The following SYNE1 variants were observed in gnomAD, a reference collection of about 807,000 sequenced individuals.
SYNE1 encodes the protein spectrin repeat containing nuclear envelope protein 1.
Under a neutral mutation model 1,111.0 loss-of-function variants are expected in SYNE1, and 616 were observed. The ratio of observed to expected loss-of-function variants is 0.55; its 90% CI spans 0.52 to 0.59. SYNE1 has a LOEUF of 0.59. SYNE1 is among the 20% of genes least tolerant of loss of function. SYNE1 has a pLI of 0.00. For synonymous variants in SYNE1, 3,855 were observed against 3,825.8 expected, an observed-to-expected ratio of 1.01 and a Z score of -0.28; for missense variants, 10,006 against 10,417.0, an observed-to-expected ratio of 0.96 and a Z score of 1.72.
chr6:152,262,043 G>T lies in SYNE1; in HGVS notation c.18961C>A (p.Gln6321Lys). The T allele has an allele frequency of 6.2e-7, 1 of 1,613,002 alleles. No individual in the cohort carries two copies. Among genetic ancestry groups the T allele is most frequent in the Non-Finnish European group, 8.5e-7 (1 of 1,179,658 alleles). The change falls in exon 101 of 146, where the codon CAA becomes AAA. Residue 6321 changes from glutamine (Q) to lysine (K), a missense_variant. Around this residue, in one of 7 missense-constraint regions of SYNE1, gnomAD observed 2,182 missense variants for 2,287.8 expected, o/e 0.95. Transcript: ENST00000367255. ...KLLQNVLEQEQEQVLYSRPNR... is the reference protein window; with the variant it reads ...KLLQNVLEQEKEQVLYSRPNR... The stretch of plus-strand genomic sequence containing the variant: ...AAAATATTTGATACCACTTGCTCTT[G>T]TTCCTGTTCCAGAACATTCTGTAGT...
rs375752705 is a variant in SYNE1, at chr6:152,347,138, G to T, written c.11999C>A (p.Ala4000Glu). ...AGCATGCACGTTTTGTTTAAGTTTC[G>T]CTTGCAGGTGGTCTGCACATTGGCC... The part of the protein sequence containing the change: ...LIGQCADHLQ[A>E]KLKQNVHAHL... Residue 4000 changes from alanine to glutamate, a missense_variant, in exon 73 of 146, where the codon GCG becomes GAG. Transcript: ENST00000367255. The T allele has an allele frequency of 1.3e-5, 21 of 1,613,930 alleles. No individual in the cohort carries two copies. The African/African-American group carries it at 2.7e-4, about 21-fold the overall frequency.
chr6:152,274,473 G>GT (rs2093435761), intron 98 of SYNE1, among the ~76,000 whole-genome samples: 1 of 140,238 alleles, frequency 7.1e-6, no homozygotes, highest in Admixed American at 7.2e-5. Context: ...TTTATTTTGT[G>GT]TTACTCATTC....
chr6:152,241,458 C>T (rs2085636702), intron 107 of SYNE1, among the ~76,000 whole-genome samples: 1 of 150,052 alleles, frequency 6.7e-6, no homozygotes. Flanking sequence ...GGTTTCTGGA[C>T]TGGCAAAATT....
intron 8 of SYNE1, among the ~76,000 whole-genome samples, chr6:152,507,706 T>C (rs1310982232): frequency 6.6e-6 from 1 of 152,206 alleles, no homozygotes; most frequent in Non-Finnish European, 1.5e-5. Context: ...CATATATTTA[T>C]TTATTTTGTT....
chr6:152,508,925 T>C (rs2099071364), intron 8 of SYNE1, among the ~76,000 whole-genome samples: 1 of 152,228 alleles, frequency 6.6e-6, no homozygotes, highest in Non-Finnish European at 1.5e-5. Context: ...GTTTCTCTTT[T>C]TATTTTTTTA....
chr6:152,133,589 T>A, intron 142 of SYNE1, 101 bp from the exon 143 acceptor site: 1 of 1,154,526 alleles, frequency 8.7e-7, no homozygotes, highest in Non-Finnish European at 1.3e-6. Context: ...TGGGAAATTA[T>A]ACCTGAGCAT....
chr6:152,626,026 A>G (rs2099684950), intron 3 of SYNE1, among the ~76,000 whole-genome samples: 1 of 152,190 alleles, frequency 6.6e-6, no homozygotes, highest in Admixed American at 6.5e-5. Flanking sequence ...TTTGTGTGAT[A>G]GGGTGAGAGG....
At chr6:152,428,090 A>T in intron 37 of SYNE1, 115 bp downstream of exon 37, 2 of 1,395,790 alleles carry the variant, frequency 1.4e-6, no homozygotes, top group Admixed American at 3.4e-5. Flanking sequence ...CCTACAGTAG[A>T]CCCACAAGTT....
At chr6:152,438,443 T>A (rs567215105) in intron 32 of SYNE1, among the ~76,000 whole-genome samples, 1 of 152,022 alleles carries the variant, frequency 6.6e-6, no homozygotes, top group Non-Finnish European at 1.5e-5. Flanking sequence ...ATGATGGTGA[T>A]AAAAAAACAA....
In SYNE1 at chr6:152,151,677, T is replaced by C. The variant is rs2060447224; in HGVS notation, c.24326A>G (p.Gln8109Arg). The change falls in exon 135 of 146, where the codon CAG becomes CGG. Residue 8109 changes from glutamine (Q) to arginine (R), a missense_variant. Transcript: ENST00000367255. ...ILRRLKHFIG[Q>R]REEFETARDS... ...CCGCGCAGTCTCAAACTCCTCACGC[T>C]GGCCAATAAAATGCTGGAAGGCAAG... The C allele has an allele frequency of 6.2e-7, 1 of 1,614,090 alleles. No individual in the cohort carries two copies. The highest frequency in any genetic ancestry group is 8.5e-7 in the Non-Finnish European group (1 of 1,179,994).
At chr6:152,610,427 G>A (rs992904932) in intron 3 of SYNE1, among the ~76,000 whole-genome samples, 3 of 152,116 alleles carry the variant, frequency 2.0e-5, no homozygotes, top group African/African-American at 7.2e-5. Context: ...GAAATTAAGT[G>A]AGAAGACAAG....
chr6:152,262,529 G>C (rs1190712260), intron 100 of SYNE1, among the ~76,000 whole-genome samples: 3 of 152,268 alleles, frequency 2.0e-5, no homozygotes, highest in Admixed American at 1.3e-4. Context: ...GTTAGTCTAG[G>C]GAGAGTTACG....
At chr6:152,515,965 G>A (rs1315993630) in intron 6 of SYNE1, among the ~76,000 whole-genome samples, 3 of 151,676 alleles carry the variant, frequency 2.0e-5, no homozygotes, top group Non-Finnish European at 4.4e-5. Flanking sequence ...AACTAAATAA[G>A]AATAAAAGGA....
chr6:152,363,180 C>T (rs1315926438), intron 63 of SYNE1, among the ~76,000 whole-genome samples: 1 of 149,456 alleles, frequency 6.7e-6, no homozygotes, highest in East Asian at 2.1e-4. Flanking sequence ...CACACCCGGC[C>T]TACACATGCT....
At chr6:152,201,297 T>C (rs1377516955) in intron 127 of SYNE1, among the ~76,000 whole-genome samples, 1 of 152,068 alleles carries the variant, frequency 6.6e-6, no homozygotes, top group African/African-American at 2.4e-5. Context: ...CCAAGTACCA[T>C]TTGAAGTGTT....
rs887701390 is a variant in SYNE1 at position 152,589,290 on chromosome 6, T to C, written c.67+38975A>G. 2.6e-5 allele frequency among the ~76,000 whole-genome samples: 4 copies of C among 152,342 alleles called. 1 individual carries two copies. The South Asian group carries it at 8.3e-4, about 32-fold the overall frequency. On this transcript the variant is annotated intron_variant, in intron 3 of 145. Coordinates refer to ENST00000367255, the MANE Select transcript of SYNE1 (RefSeq NM_182961.4). ...CATGGGATTATGTAATCATGAAATA[T>C]ACTATTATTAGTTTTGATTATCTGA...
chr6:152,491,656 A>G (rs1477033894), intron 11 of SYNE1, among the ~76,000 whole-genome samples: 2 of 152,148 alleles, frequency 1.3e-5, no homozygotes, highest in African/African-American at 4.8e-5. Context: ...TTCTTGAAAA[A>G]TGTGCAAATG....
Position 152,367,310 on chromosome 6 carries a change from C to T in SYNE1, c.9880G>A (p.Asp3294Asn), listed in dbSNP as rs1020924999. 1 of 1,614,174 alleles carries T rather than the reference C, an allele frequency of 6.2e-7. No individual in the cohort carries two copies. The highest frequency in any genetic ancestry group is 2.2e-5 in the East Asian group (1 of 44,888). The change falls in exon 62 of 146, where the codon GAC (aspartate) becomes AAC (asparagine). Residue 3294 changes from aspartate (D) to asparagine (N), a missense_variant. Asp to Asn is a conservative substitution (Grantham distance 23). Transcript: ENST00000367255. ...ATGTGAATCGCATCCGTCATCCAGTCTTGTAATTCTTTAATCCCAAGAGAG... is the reference window on the plus strand; with the variant it reads ...ATGTGAATCGCATCCGTCATCCAGTTTTGTAATTCTTTAATCCCAAGAGAG... ...QFSLGIKELQ[D>N]WMTDAIHMLD...
At chr6:152,279,147 CTTTT>C (rs59520598) in intron 97 of SYNE1, among the ~76,000 whole-genome samples, 61 of 112,696 alleles carry the variant, frequency 5.4e-4, no homozygotes, top group Admixed American at 1.2e-3. Context: ...CTTTTCTTTT[CTTTT>C]TTTTTTTTTT....
Sources: gnomAD v4.1 joint callset for allele counts (sites outside exome capture counted in the v4.1 genomes callset) on GRCh38, gnomAD v4.1.1 for gene constraint, gnomAD v4.1.1 regional missense constraint, MANE v1.5 for transcripts, NCBI Gene and HGNC (gene_info 2026-07-23, HGNC 2026-07-21) for gene names.